The following SORCS2 variants were observed in gnomAD, a reference collection of about 807,000 sequenced individuals.
SORCS2 encodes the protein sortilin related VPS10 domain containing receptor 2.
A neutral mutation model predicts 141.6 loss-of-function variants in SORCS2; 100 were observed. The ratio of observed to expected loss-of-function variants is 0.71; its 90% CI spans 0.60 to 0.83. SORCS2 has a LOEUF of 0.83. SORCS2 is among the 40% of genes least tolerant of loss of function. The pLI is 0.00. For synonymous variants in SORCS2, 789 were observed against 676.9 expected, an observed-to-expected ratio of 1.17 and a Z score of -2.57; for missense variants, 1,646 against 1,560.2, an observed-to-expected ratio of 1.05 and a Z score of -0.93.
intron 2 of SORCS2, among the ~76,000 whole-genome samples, chr4:7,477,666 C>T (rs1215818029): frequency 2.0e-5 from 3 of 152,120 alleles, no homozygotes; most frequent in African/African-American, 7.2e-5. Context: ...GCACAGAAGG[C>T]GGGAGGACAT....
chr4:7,195,451 G>C (rs1326108292), intron 1 of SORCS2, among the ~76,000 whole-genome samples: 1 of 152,066 alleles, frequency 6.6e-6, no homozygotes, highest in African/African-American at 2.4e-5. Context: ...CAGGCATTGG[G>C]CTTCAACACC....
intron 2 of SORCS2, among the ~76,000 whole-genome samples, chr4:7,495,129 C>T (rs184413729): frequency 3.9e-5 from 6 of 152,336 alleles, no homozygotes; most frequent in South Asian, 2.1e-4. Context: ...GTACTACAGT[C>T]AGCTTAGAAA....
intron 2 of SORCS2, among the ~76,000 whole-genome samples, chr4:7,470,569 C>T (rs772376320): frequency 6.6e-6 from 1 of 152,182 alleles, no homozygotes; most frequent in Non-Finnish European, 1.5e-5. Context: ...GGAAGGAGAA[C>T]CCGGTAGCTG....
chr4:7,685,246 TG>T (rs1723802278), intron 10 of SORCS2, among the ~76,000 whole-genome samples: 1 of 152,230 alleles, frequency 6.6e-6, no homozygotes, highest in South Asian at 2.1e-4. Flanking sequence ...ATTTATGTCC[TG>T]GCCTTGAAAT....
At chr4:7,675,973 C>T in intron 8 of SORCS2, 77 bp from the exon 9 acceptor site, 12 of 1,490,570 alleles carry the variant, frequency 8.1e-6, no homozygotes, top group Non-Finnish European at 1.0e-5. Context: ...CCCTCACGGC[C>T]TGTGCAGCCT....
At chr4:7,225,132 G>A (rs995661336) in intron 1 of SORCS2, among the ~76,000 whole-genome samples, 2 of 152,208 alleles carry the variant, frequency 1.3e-5, no homozygotes, top group African/African-American at 2.4e-5. Context: ...CCCTGACAGA[G>A]TTACAGAGTT....
At chr4:7,547,156 C>T (rs1713324569) in intron 3 of SORCS2, among the ~76,000 whole-genome samples, 1 of 152,206 alleles carries the variant, frequency 6.6e-6, no homozygotes, top group South Asian at 2.1e-4. Flanking sequence ...TACATGGGGA[C>T]ACAGGGCTTC....
chr4:7,280,662 C>T (rs1055312481), intron 1 of SORCS2, among the ~76,000 whole-genome samples: 6 of 152,180 alleles, frequency 3.9e-5, no homozygotes, highest in African/African-American at 1.4e-4. Context: ...GATTTCAATT[C>T]CCACCATCAA....
At chr4:7,554,960 C>T (rs1335502376) in intron 3 of SORCS2, among the ~76,000 whole-genome samples, 1 of 152,162 alleles carries the variant, frequency 6.6e-6, no homozygotes, top group Non-Finnish European at 1.5e-5. Context: ...GGCTCAGGTG[C>T]AAGTGCATCA....
chr4:7,340,698 C>T (rs931613879), intron 1 of SORCS2, among the ~76,000 whole-genome samples: 3 of 152,200 alleles, frequency 2.0e-5, no homozygotes, highest in Admixed American at 1.3e-4. Context: ...GCTGCAGGCC[C>T]CACTTGCAGC....
Position 7,312,056 on chromosome 4 carries a change from T to C in SORCS2, c.481-84232T>C, listed in dbSNP as rs573827639. On this transcript the variant is annotated intron_variant, in intron 1 of 26. Transcript: ENST00000507866. ...ACAGCCAGCTAATGTTTTGTATTTT[T>C]AGTAGAGATGGAGTTTCACCATGTT... Among the ~76,000 whole-genome samples, 221 of 152,174 alleles carry C rather than the reference T, an allele frequency of 1.5e-3. 1 individual carries two copies. Among genetic ancestry groups the C allele is most frequent in the African/African-American group, 4.9e-3 (203 of 41,500 alleles).
At chr4:7,723,099 T>A (rs1465658295) in intron 18 of SORCS2, among the ~76,000 whole-genome samples, 1 of 152,148 alleles carries the variant, frequency 6.6e-6, no homozygotes, top group African/African-American at 2.4e-5. Context: ...GCGGCCTCTC[T>A]GGGTGACTCG....
chr4:7,567,354 T>C (rs149524135), intron 3 of SORCS2, among the ~76,000 whole-genome samples: 241 of 152,240 alleles, frequency 1.6e-3, no homozygotes, highest in Middle Eastern at 6.8e-3. Flanking sequence ...TCATTATGTC[T>C]GCTTCGGCTC....
At chr4:7,259,745 C>T (rs1229098902) in intron 1 of SORCS2, among the ~76,000 whole-genome samples, 1 of 152,254 alleles carries the variant, frequency 6.6e-6, no homozygotes, top group South Asian at 2.1e-4. Context: ...ATCTCATTCA[C>T]ACATCACATG....
At chr4:7,530,231 G>A (rs1026072408) in intron 2 of SORCS2, among the ~76,000 whole-genome samples, 21 of 152,194 alleles carry the variant, frequency 1.4e-4, no homozygotes, top group South Asian at 4.1e-4. Flanking sequence ...CTGTCCCCTC[G>A]GCCCCCAGAG....
chr4:7,476,224 A>G (rs12503258), intron 2 of SORCS2, among the ~76,000 whole-genome samples: 20,816 of 152,152 alleles, frequency 0.14, 1,924 homozygotes, highest in South Asian at 0.25. Flanking sequence ...GATGGAGGGA[A>G]GTCGATAGAC....
intron 8 of SORCS2, among the ~76,000 whole-genome samples, chr4:7,675,129 G>T (rs1057484797): frequency 2.0e-4 from 30 of 152,220 alleles, no homozygotes; most frequent in African/African-American, 6.5e-4. Flanking sequence ...GGCAAGAAAA[G>T]AAAACAAGAA....
intron 3 of SORCS2, among the ~76,000 whole-genome samples, chr4:7,635,195 C>T (rs6853206): frequency 3.3e-5 from 5 of 152,088 alleles, no homozygotes; most frequent in Non-Finnish European, 7.4e-5. Flanking sequence ...GGAGGCTCAG[C>T]TAAAATGCCC....
intron 1 of SORCS2, among the ~76,000 whole-genome samples, chr4:7,269,141 G>A (rs1464768293): frequency 1.3e-5 from 2 of 152,084 alleles, no homozygotes; most frequent in African/African-American, 4.8e-5. Context: ...GCTGTGCTGG[G>A]CTGGGCAAGA....
Sources: allele counts gnomAD v4.1 joint callset (sites outside exome capture counted in the v4.1 genomes callset), GRCh38; gene constraint gnomAD v4.1.1; transcripts MANE v1.5; gene names NCBI Gene and HGNC (gene_info 2026-07-23, HGNC 2026-07-21).